Variants in ARAP2 observed in about 807,000 individuals in gnomAD.
ARAP2 encodes ArfGAP with RhoGAP domain, ankyrin repeat and PH domain 2.
Under a neutral mutation model 194.5 loss-of-function variants are expected in ARAP2, and 148 were observed. The ratio of observed to expected loss-of-function variants is 0.76; its 90% CI spans 0.67 to 0.87. ARAP2 has a LOEUF of 0.87. ARAP2 is among the 40% of genes least tolerant of loss of function. ARAP2 has a pLI of 0.00. For synonymous variants in ARAP2, 695 were observed against 683.5 expected, an observed-to-expected ratio of 1.02 and a Z score of -0.26; for missense variants, 2,128 against 1,989.7, an observed-to-expected ratio of 1.07 and a Z score of -1.32.
At chr4:36,081,376 G>T (rs1294134281) in intron 30 of ARAP2, among the ~76,000 whole-genome samples, 6 of 152,130 alleles carry the variant, frequency 3.9e-5, no homozygotes, top group Admixed American at 3.3e-4. Context: ...ATGAACAAAG[G>T]TTTAGTAGAG....
chr4:36,126,953 T>C (rs543055958), intron 21 of ARAP2, among the ~76,000 whole-genome samples: 1 of 152,144 alleles, frequency 6.6e-6, no homozygotes, highest in Non-Finnish European at 1.5e-5. Context: ...TCCTCCCACC[T>C]CAGTCTTCAG....
chr4:36,162,826 C>A (rs1179282895), intron 11 of ARAP2, among the ~76,000 whole-genome samples: 1 of 151,890 alleles, frequency 6.6e-6, no homozygotes, highest in Non-Finnish European at 1.5e-5. Context: ...ATGGAGCAGA[C>A]AGATTGAGAG....
chr4:36,161,568 T>C lies in ARAP2; in HGVS notation c.2174-18A>G. ...ATGCTGTCCTAGAGTCAAAACACAA[T>C]TGCATTTCTATTTTAATTTGTATGT... On this transcript the variant is annotated intron_variant, in intron 11 of 32. Transcript: ENST00000303965. 6.4e-7 allele frequency: 1 copy of C among 1,574,152 alleles called. No homozygotes were observed. Among genetic ancestry groups the C allele is most frequent in the Non-Finnish European group, 8.7e-7 (1 of 1,144,738 alleles).
chr4:36,169,990 A>C (rs1217360126), intron 9 of ARAP2, among the ~76,000 whole-genome samples: 1 of 152,240 alleles, frequency 6.6e-6, no homozygotes, highest in African/African-American at 2.4e-5. Context: ...TTTCTATTAA[A>C]AAACTGTGGA....
intron 23 of ARAP2, among the ~76,000 whole-genome samples, chr4:36,120,253 T>C (rs1577959540): frequency 6.6e-6 from 1 of 151,540 alleles, no homozygotes; most frequent in Non-Finnish European, 1.5e-5. Context: ...TGGACACATA[T>C]AGAAAGAAGT....
At chr4:36,064,699 T>G (rs1725106368), downstream of ARAP2, among the ~76,000 whole-genome samples, 1 of 152,280 alleles carries the variant, frequency 6.6e-6, no homozygotes, top group Admixed American at 6.5e-5. Context: ...CCCCAGACCC[T>G]GATTTGCTAT....
At chr4:36,220,284 G>A (rs964692266) in intron 2 of ARAP2, among the ~76,000 whole-genome samples, 6 of 152,040 alleles carry the variant, frequency 3.9e-5, no homozygotes, top group Admixed American at 2.6e-4. Flanking sequence ...ATCAATGACA[G>A]ACTGAACATA....
chr4:36,173,508 G>A (rs987144583), intron 9 of ARAP2, among the ~76,000 whole-genome samples: 3 of 151,820 alleles, frequency 2.0e-5, no homozygotes, highest in Non-Finnish European at 4.4e-5. Flanking sequence ...AAAACAAAAA[G>A]GAACCGACAA....
At chr4:36,170,607 C>T (rs1396030692) in intron 9 of ARAP2, among the ~76,000 whole-genome samples, 2 of 152,188 alleles carry the variant, frequency 1.3e-5, no homozygotes, top group Non-Finnish European at 2.9e-5. Flanking sequence ...CCTGCATTAA[C>T]GTCCAGAGGT....
intron 19 of ARAP2, among the ~76,000 whole-genome samples, chr4:36,135,915 T>C (rs1360061783): frequency 1.3e-5 from 2 of 151,768 alleles, no homozygotes; most frequent in African/African-American, 4.8e-5. Context: ...AATATGAGTA[T>C]AATTCTGCCA....
At chr4:36,038,109 T>C (rs984301750) in intron 5 of ARAP2, among the ~76,000 whole-genome samples, 1 of 152,180 alleles carries the variant, frequency 6.6e-6, no homozygotes, top group Admixed American at 6.6e-5. Flanking sequence ...GGCCTTTGGA[T>C]GGCCTGGCAT....
chr4:36,226,345 A>C (rs1750302065), intron 2 of ARAP2, among the ~76,000 whole-genome samples: 2 of 152,224 alleles, frequency 1.3e-5, no homozygotes, highest in Admixed American at 1.3e-4. Context: ...ATTTAATTCA[A>C]ATATTGGAAA....
chr4:36,216,752 A>C (rs887085588), intron 2 of ARAP2, among the ~76,000 whole-genome samples: 1 of 152,248 alleles, frequency 6.6e-6, no homozygotes, highest in Admixed American at 6.5e-5. Flanking sequence ...ACTAAAAAAA[A>C]CTAATAATCT....
intron 2 of ARAP2, among the ~76,000 whole-genome samples, chr4:36,056,871 C>T (rs1723603414): frequency 6.6e-6 from 1 of 152,042 alleles, no homozygotes; most frequent in African/African-American, 2.4e-5. Context: ...ACATTCACTT[C>T]TTCCCTGACA....
At chr4:36,015,238 A>T (rs1208451098) in intron 8 of ARAP2, 1 of 152,232 alleles carries the variant, frequency 6.6e-6, no homozygotes, top group Non-Finnish European at 1.5e-5. Context: ...ATGCTTACAT[A>T]AATGATGAAT....
chr4:36,064,155 T>C (rs1339252480), downstream of ARAP2, among the ~76,000 whole-genome samples: 1 of 152,064 alleles, frequency 6.6e-6, no homozygotes, highest in African/African-American at 2.4e-5. Context: ...GAAATAAAAT[T>C]GAGAGTGCCT....
chr4:36,230,919 C>A (rs967774237), intron 1 of ARAP2, among the ~76,000 whole-genome samples: 1 of 152,072 alleles, frequency 6.6e-6, no homozygotes, highest in African/African-American at 2.4e-5. Context: ...AGTATATCTT[C>A]TTCAGGACAC....
chr4:36,076,783 T>A (rs543761018), intron 31 of ARAP2, among the ~76,000 whole-genome samples: 1 of 152,288 alleles, frequency 6.6e-6, no homozygotes, highest in South Asian at 2.1e-4. Context: ...ACATCCAACC[T>A]GCTGCCCAGC....
intron 6 of ARAP2, among the ~76,000 whole-genome samples, chr4:36,017,520 TG>T (rs1156906115): frequency 8.2e-6 from 1 of 122,694 alleles, no homozygotes; most frequent in African/African-American, 3.1e-5. Context: ...TCAGAGACTG[TG>T]CACTTTATGC....
Sources: gnomAD v4.1 joint callset for allele counts (sites outside exome capture counted in the v4.1 genomes callset) on GRCh38, gnomAD v4.1.1 for gene constraint, MANE v1.5 for transcripts, NCBI Gene and HGNC (gene_info 2026-07-23, HGNC 2026-07-21) for gene names.